Variants in PCCB observed in about 807,000 individuals in gnomAD.
The protein encoded by PCCB is propionyl-CoA carboxylase subunit beta.
In PCCB, 43 loss-of-function variants were observed where a neutral mutation model predicts 60.7. That is an observed-to-expected ratio of 0.71 (90% CI 0.55 to 0.91). PCCB has a LOEUF of 0.91. PCCB is among the 40% of genes least tolerant of loss of function. The pLI, the probability that PCCB is intolerant of heterozygous loss-of-function variation, is 0.00. For missense variants in PCCB, 766 were observed against 702.8 expected (o/e 1.09, Z -1.02); for synonymous variants, 276 against 255.9 (o/e 1.08, Z -0.75).
intron 1 of PCCB, chr3:136,255,625 T>C (rs1365620510): frequency 1.8e-5 from 10 of 558,630 alleles, no homozygotes; most frequent in East Asian, 6.3e-5. Context: ...TATTTCCTTA[T>C]TCATCTTCCA....
In PCCB at chr3:136,259,577, C is replaced by T. The variant is rs151293394; in HGVS notation, c.373-902C>T. Among the ~76,000 whole-genome samples the T allele has an allele frequency of 2.5e-4, 38 of 152,310 alleles. No homozygotes were observed. In the East Asian group the frequency reaches 6.6e-3, roughly 26 times the overall value. ...TAATTCTGTGTGATAGGTTTTCCTT[C>T]AGAACTGCAAATCATTTCTTTTTTT... On this transcript the variant is annotated intron_variant, in intron 3 of 14. Transcript: ENST00000251654.
chr3:136,318,772 T>A (rs1001807946), intron 10 of PCCB, among the ~76,000 whole-genome samples: 3 of 146,522 alleles, frequency 2.0e-5, no homozygotes, highest in African/African-American at 8.3e-5. Flanking sequence ...TGAATAATAT[T>A]ATGTTGCATG....
At chr3:136,266,581 C>G (rs1941989643) in intron 5 of PCCB, among the ~76,000 whole-genome samples, 2 of 152,152 alleles carry the variant, frequency 1.3e-5, no homozygotes, top group Admixed American at 6.5e-5. Flanking sequence ...GCCACTGTGC[C>G]TGGTCCAGTC....
chr3:136,285,654 A>G (rs937973843), intron 6 of PCCB, among the ~76,000 whole-genome samples: 2 of 151,804 alleles, frequency 1.3e-5, no homozygotes, highest in Non-Finnish European at 2.9e-5. Context: ...CCATTATACC[A>G]TACTCTGGCA....
At chr3:136,269,661 A>G (rs916005683) in intron 5 of PCCB, among the ~76,000 whole-genome samples, 4 of 152,064 alleles carry the variant, frequency 2.6e-5, no homozygotes, top group African/African-American at 4.8e-5. Flanking sequence ...CGAGGTGGGC[A>G]TATCACGAGG....
rs529501536 is a variant in PCCB at position 136,260,692 on chromosome 3, G to A, written c.429+157G>A. 7.2e-5 allele frequency among the ~76,000 whole-genome samples: 11 copies of A among 152,222 alleles called. No individual in the cohort carries two copies. The East Asian group carries it at 7.7e-4, about 11-fold the overall frequency. ...CCCGAAGGGGTGCATAACAATTTTC[G>A]TACCATGGATCTCTTCCATGGGCTG... On this transcript the variant is annotated intron_variant, in intron 4 of 14. Coordinates refer to ENST00000251654, the MANE Select transcript of PCCB (RefSeq NM_000532.5).
At chr3:136,259,791 C>T (rs1462961745) in intron 3 of PCCB, among the ~76,000 whole-genome samples, 8 of 152,140 alleles carry the variant, frequency 5.3e-5, no homozygotes, top group Admixed American at 1.3e-4. Context: ...CTCGCTCTGT[C>T]GCCCAGGCTG....
intron 1 of PCCB, chr3:136,255,488 TC>T (rs1399209778): frequency 6.4e-6 from 2 of 313,924 alleles, no homozygotes; most frequent in African/African-American, 4.3e-5. Context: ...TGCTTTAGTT[TC>T]CACCACCTGC....
At position 136,293,840 on chromosome 3, in the gene PCCB, GCCAAGACCCACA is replaced by G; in HGVS notation, c.743_754del (p.Lys248_Thr251del). 1 of 1,606,904 alleles carries G rather than the reference GCCAAGACCCACA, an allele frequency of 6.2e-7. No individual in the cohort carries two copies. The highest frequency in any genetic ancestry group is 8.5e-7 in the Non-Finnish European group (1 of 1,173,614). On this transcript the variant is annotated inframe_deletion, in exon 7 of 15. Transcript: ENST00000251654. Reference sequence around the variant, plus strand: ...TGTTACCCAGGAGGAGCTCGGTGGTGCCAAGACCCACACCACCATGTCAGGTGAGAGGCCTTG... The same window carrying G: ...TGTTACCCAGGAGGAGCTCGGTGGTGCCACCATGTCAGGTGAGAGGCCTTG...
intron 9 of PCCB, among the ~76,000 whole-genome samples, chr3:136,311,465 T>C (rs1934663722): frequency 1.3e-5 from 2 of 152,020 alleles, no homozygotes; most frequent in Admixed American, 1.3e-4. Context: ...TCCTCCCACA[T>C]TGCCAGGACT....
chr3:136,276,837 A>G (rs554628912), intron 5 of PCCB, among the ~76,000 whole-genome samples: 2 of 152,276 alleles, frequency 1.3e-5, no homozygotes, highest in African/African-American at 2.4e-5. Context: ...GCTGAAAGGA[A>G]CTTCCCATCA....
chr3:136,318,534 C>T (rs1448695225), intron 10 of PCCB, among the ~76,000 whole-genome samples: 1 of 152,206 alleles, frequency 6.6e-6, no homozygotes, highest in Admixed American at 6.5e-5. Flanking sequence ...AGACTGTGAA[C>T]CTGTTAAACA....
chr3:136,260,711 TG>T (rs1941799260), intron 4 of PCCB, among the ~76,000 whole-genome samples, 176 bp downstream of exon 4: 1 of 152,208 alleles, frequency 6.6e-6, no homozygotes, highest in Non-Finnish European at 1.5e-5. Context: ...ATCTCTTCCA[TG>T]GGCTGGCAAA....
intron 8 of PCCB, 86 bp from the exon 9 acceptor site, chr3:136,300,944 C>A: frequency 1.1e-6 from 1 of 933,886 alleles, no homozygotes; most frequent in Non-Finnish European, 1.8e-6. Context: ...TATGACGTGT[C>A]ACCCCATTTC....
chr3:136,285,552 G>C (rs1234293519), intron 6 of PCCB, among the ~76,000 whole-genome samples: 2 of 144,418 alleles, frequency 1.4e-5, no homozygotes, highest in African/African-American at 5.0e-5. Context: ...CCACTAAATC[G>C]TTTTTTTTTT....
chr3:136,259,217 A>T, intron 3 of PCCB: 1 of 1,329,912 alleles, frequency 7.5e-7, no homozygotes, highest in Non-Finnish European at 9.9e-7. Context: ...TTGTCATCTC[A>T]GCACTTTGGG....
At chr3:136,327,054 G>A (rs754481460) in intron 11 of PCCB, 101 bp from the exon 12 acceptor site, 1 of 1,214,554 alleles carries the variant, frequency 8.2e-7, no homozygotes, top group Non-Finnish European at 1.2e-6. Flanking sequence ...GGCTGTGTAA[G>A]GAATGGCCCT....
chr3:136,284,952 G>A (rs1933317608), intron 6 of PCCB, among the ~76,000 whole-genome samples: 2 of 152,072 alleles, frequency 1.3e-5, no homozygotes, highest in African/African-American at 2.4e-5. Context: ...GCTGGGCGTG[G>A]TGGTGCATAC....
chr3:136,292,763 G>T (rs578161933), intron 6 of PCCB, among the ~76,000 whole-genome samples: 39 of 152,250 alleles, frequency 2.6e-4, no homozygotes, highest in Non-Finnish European at 3.8e-4. Context: ...AGATAAGAGG[G>T]CAAAGAGGGC....
Sources: gnomAD v4.1 joint callset for allele counts (sites outside exome capture counted in the v4.1 genomes callset) on GRCh38, gnomAD v4.1.1 for gene constraint, MANE v1.5 for transcripts, NCBI Gene and HGNC (gene_info 2026-07-23, HGNC 2026-07-21) for gene names.